The following GCLC variants were observed in gnomAD, a reference collection of about 807,000 sequenced individuals.
GCLC encodes the protein glutamate--cysteine ligase catalytic subunit.
Under a neutral mutation model 81.5 loss-of-function variants are expected in GCLC, and 30 were observed. The observed-to-expected ratio is 0.37, with a 90% CI of 0.28 to 0.50. The LOEUF is 0.50. Ranked by LOEUF, GCLC falls within the 20% of genes least tolerant of loss-of-function variation. GCLC has a pLI of 0.96. For synonymous variants in GCLC, 262 were observed against 273.3 expected (o/e 0.96, Z 0.41); for missense variants, 556 against 777.4 (o/e 0.72, Z 3.39).
intron 6 of GCLC, among the ~76,000 whole-genome samples, chr6:53,510,911 G>A (rs1764725902): frequency 6.6e-6 from 1 of 152,126 alleles, no homozygotes; most frequent in Non-Finnish European, 1.5e-5. Flanking sequence ...AGTTTCAAAG[G>A]TTAAAGTAGA....
At chr6:53,511,630 T>C (rs917196689) in intron 6 of GCLC, among the ~76,000 whole-genome samples, 1 of 152,098 alleles carries the variant, frequency 6.6e-6, no homozygotes, top group Non-Finnish European at 1.5e-5. Flanking sequence ...ACAGCTGATA[T>C]GCAATCAAAT....
intron 9 of GCLC, 67 bp downstream of exon 9, chr6:53,507,413 A>G: frequency 6.4e-7 from 1 of 1,557,282 alleles, no homozygotes; most frequent in Non-Finnish European, 8.8e-7. Context: ...TCAGCAAAAA[A>G]GTGTAAAAGA....
At chr6:53,539,221 C>T (rs1225752229) in intron 1 of GCLC, among the ~76,000 whole-genome samples, 1 of 152,204 alleles carries the variant, frequency 6.6e-6, no homozygotes, top group Non-Finnish European at 1.5e-5. Context: ...CAACAGGGCA[C>T]CCAGGAATAT....
At chr6:53,535,795 A>G (rs1366845945) in intron 1 of GCLC, among the ~76,000 whole-genome samples, 4 of 152,248 alleles carry the variant, frequency 2.6e-5, no homozygotes, top group Non-Finnish European at 5.9e-5. Flanking sequence ...AGTAGCTAAA[A>G]TTAAAGAGAC....
chr6:53,502,683 T>C (rs1375723843), intron 12 of GCLC, among the ~76,000 whole-genome samples: 3 of 152,248 alleles, frequency 2.0e-5, no homozygotes, highest in Admixed American at 2.0e-4. Context: ...CTGTCCTTGT[T>C]CTACGTACAT....
At chr6:53,541,742 T>C (rs2127632072) in intron 1 of GCLC, among the ~76,000 whole-genome samples, 1 of 152,362 alleles carries the variant, frequency 6.6e-6, no homozygotes, top group Middle Eastern at 3.4e-3. Flanking sequence ...AATCAATTTA[T>C]AGCTTTGTAT....
At chr6:53,537,628 AATAAATAAATAC>A (rs1450404266) in intron 1 of GCLC, among the ~76,000 whole-genome samples, 11 of 151,036 alleles carry the variant, frequency 7.3e-5, no homozygotes, top group African/African-American at 2.0e-4. Context: ...TAAATAAATA[AATAAATAAATAC>A]ATAAATACAT....
chr6:53,504,865 CT>C (rs1764583626), intron 12 of GCLC, among the ~76,000 whole-genome samples: 1 of 152,186 alleles, frequency 6.6e-6, no homozygotes, highest in African/African-American at 2.4e-5. Context: ...AAGAGGAACC[CT>C]GGCCCAGAAA....
intron 1 of GCLC, 95 bp downstream of exon 1, chr6:53,544,401 G>A (rs922293663): frequency 5.9e-6 from 8 of 1,361,966 alleles, no homozygotes; most frequent in Admixed American, 5.6e-5. Flanking sequence ...TGGAGAACGC[G>A]GACCGCGATA....
intron 12 of GCLC, among the ~76,000 whole-genome samples, chr6:53,503,656 T>G (rs1013238756): frequency 9.2e-5 from 14 of 152,214 alleles, no homozygotes; most frequent in African/African-American, 3.4e-4. Context: ...TAATTTTCTC[T>G]TTGAGATTAA....
chr6:53,535,816 G>A (rs971730543), intron 1 of GCLC, among the ~76,000 whole-genome samples: 2 of 152,226 alleles, frequency 1.3e-5, no homozygotes, highest in East Asian at 1.9e-4. Flanking sequence ...TGCCCATACC[G>A]GTGTTAACAA....
chr6:53,500,817 A>T, intron 12 of GCLC: 1 of 436,692 alleles, frequency 2.3e-6, no homozygotes, highest in South Asian at 2.1e-5. Flanking sequence ...TGCAACAGAT[A>T]TACAGTGTTG....
rs1276073836 is a variant in GCLC at position 53,507,581 on chromosome 6, C to A, written c.983G>T (p.Arg328Leu). The A allele has an allele frequency of 6.4e-7, 1 of 1,568,196 alleles. No individual in the cohort carries two copies. Among genetic ancestry groups the A allele is most frequent in the Admixed American group, 1.7e-5 (1 of 59,920 alleles). The change falls in exon 9 of 16, where the codon CGA (arginine) becomes CTA (leucine). Residue 328 changes from arginine (R) to leucine (L), a missense_variant. Physicochemically the swap from Arg to Leu is moderately radical, Grantham distance 102. Transcript: ENST00000650454. ...KNNNYRISKS[R>L]YDSIDSYLSK... ...TAAATAGCTGTCTATTGAGTCATAT[C>A]GGGATTTACTGATCCTATAGTTATT...
At position 53,505,465 on chromosome 6, in the gene GCLC, T is replaced by G. The variant is rs746596708; in HGVS notation, c.1322A>C (p.Tyr441Ser). 1 of 1,604,468 alleles carries G rather than the reference T, an allele frequency of 6.2e-7. No homozygotes were observed. The highest frequency in any genetic ancestry group is 8.5e-7 in the Non-Finnish European group (1 of 1,171,390). Residue 441 changes from tyrosine (Y) to serine (S), a missense_variant, in exon 12 of 16, where the codon TAT becomes TCT. Around this residue, in one of 3 missense-constraint regions of GCLC, gnomAD observed 313 missense variants for 437.3 expected, o/e 0.72. Coordinates refer to ENST00000650454, the MANE Select transcript of GCLC (RefSeq NM_001498.4). ...GGTGAGCAGTACCACAAACACCACA[T>G]AGGCAGAGTTCTCAAAGTCTGTTAA... Reference protein sequence around the residue: ...VQLTDFENSAYVVFVVLLTRV... With the variant: ...VQLTDFENSASVVFVVLLTRV...
intron 1 of GCLC, among the ~76,000 whole-genome samples, chr6:53,531,375 T>C (rs555361378): frequency 1.3e-5 from 2 of 152,254 alleles, no homozygotes; most frequent in African/African-American, 4.8e-5. Flanking sequence ...CTTGTTTTAG[T>C]CAAAGGTGAA....
At chr6:53,503,677 C>T (rs1189160535) in intron 12 of GCLC, among the ~76,000 whole-genome samples, 1 of 152,138 alleles carries the variant, frequency 6.6e-6, no homozygotes, top group Non-Finnish European at 1.5e-5. Context: ...TAAATGCCTA[C>T]ATTTGAGTTA....
intron 1 of GCLC, among the ~76,000 whole-genome samples, chr6:53,541,673 G>A (rs1382466904): frequency 6.6e-6 from 1 of 152,072 alleles, no homozygotes; most frequent in Non-Finnish European, 1.5e-5. Context: ...GAAACAGAAA[G>A]GATAGATCAT....
intron 6 of GCLC, chr6:53,509,493 A>G: frequency 6.9e-6 from 4 of 576,128 alleles, no homozygotes; most frequent in Admixed American, 3.0e-5. Context: ...CCTAAGTGAA[A>G]TAAGATTAAA....
At chr6:53,537,149 ACT>A (rs1157875131) in intron 1 of GCLC, among the ~76,000 whole-genome samples, 1 of 152,030 alleles carries the variant, frequency 6.6e-6, no homozygotes, top group East Asian at 1.9e-4. Context: ...ATGACCACAC[ACT>A]CTTTAAGGCA....
Sources: gnomAD v4.1 joint callset for allele counts (sites outside exome capture counted in the v4.1 genomes callset) on GRCh38, gnomAD v4.1.1 for gene constraint, gnomAD v4.1.1 regional missense constraint, MANE v1.5 for transcripts, NCBI Gene and HGNC (gene_info 2026-07-23, HGNC 2026-07-21) for gene names.